OPCML: variants seen among roughly 807,000 people sequenced by gnomAD.
OPCML encodes the protein opioid-binding protein/cell adhesion molecule.
Under a neutral mutation model 37.8 loss-of-function variants are expected in OPCML, and 13 were observed. The observed-to-expected ratio is 0.34, with a 90% CI of 0.22 to 0.55. The LOEUF is 0.55. OPCML is among the 20% of genes least tolerant of loss of function. OPCML has a pLI of 0.91. For missense variants in OPCML, 341 were observed against 435.6 expected, an observed-to-expected ratio of 0.78 and a Z score of 1.93; for synonymous variants, 176 against 168.8, an observed-to-expected ratio of 1.04 and a Z score of -0.33.
At chr11:133,127,354 G>A (rs571782574) in intron 1 of OPCML, among the ~76,000 whole-genome samples, 15 of 152,170 alleles carry the variant, frequency 9.9e-5, no homozygotes, top group African/African-American at 3.1e-4. Context: ...TATCTTGGCC[G>A]GGCATGGAAG....
chr11:132,514,264 T>G (rs1006267732), intron 4 of OPCML, among the ~76,000 whole-genome samples: 2 of 152,158 alleles, frequency 1.3e-5, no homozygotes, highest in Admixed American at 1.3e-4. Flanking sequence ...TATTGACTTA[T>G]AGTCAAAGCA....
chr11:133,310,961 T>A (rs1943054618), intron 1 of OPCML, among the ~76,000 whole-genome samples: 1 of 152,202 alleles, frequency 6.6e-6, no homozygotes, highest in Admixed American at 6.5e-5. Context: ...CCCATAACAT[T>A]GCACTATTTG....
chr11:132,850,227 A>C (rs978647667), intron 2 of OPCML, among the ~76,000 whole-genome samples: 4 of 152,186 alleles, frequency 2.6e-5, no homozygotes, highest in African/African-American at 9.7e-5. Context: ...ATGGAAGGAA[A>C]GCGAGCCCTA....
intron 3 of OPCML, among the ~76,000 whole-genome samples, chr11:132,613,421 C>T (rs1033223967): frequency 2.6e-5 from 4 of 152,192 alleles, no homozygotes; most frequent in African/African-American, 4.8e-5. Flanking sequence ...ACTGCATAAA[C>T]TCAAAACATG....
In OPCML at chr11:133,174,033, C is replaced by T. The variant is rs542656218; in HGVS notation, c.62-231023G>A. ...GGATGAGCATGGAGAAACGGCCTGG[C>T]AGGCCCTGCACTGCGGCCATAAATC... On this transcript the variant is annotated intron_variant, in intron 1 of 7. Coordinates refer to ENST00000524381, the MANE Select transcript of OPCML (RefSeq NM_001012393.5). This position sits in a 1 kb window ranked among gnomAD's most constrained non-coding sequence, Gnocchi z 4.6. Among the ~76,000 whole-genome samples the T allele has an allele frequency of 3.3e-4, 51 of 152,338 alleles. No homozygotes were observed. Among genetic ancestry groups the T allele is most frequent in the South Asian group, 1.0e-3 (5 of 4,826 alleles).
At chr11:132,927,125 A>C (rs921884392) in intron 2 of OPCML, among the ~76,000 whole-genome samples, 1 of 152,154 alleles carries the variant, frequency 6.6e-6, no homozygotes, top group African/African-American at 2.4e-5. Flanking sequence ...AAAGGAAAAG[A>C]GTTTATTTGA....
At chr11:133,258,536 G>A (rs1482518925) in intron 1 of OPCML, among the ~76,000 whole-genome samples, 1 of 152,194 alleles carries the variant, frequency 6.6e-6, no homozygotes, top group African/African-American at 2.4e-5. Context: ...CAGAGGTTAT[G>A]ATGATTGAGC....
intron 1 of OPCML, among the ~76,000 whole-genome samples, chr11:132,995,022 C>G (rs1264222980): frequency 6.6e-6 from 1 of 152,160 alleles, no homozygotes; most frequent in Non-Finnish European, 1.5e-5. Flanking sequence ...ACTATGAAAC[C>G]CAAGCCCCTA....
At chr11:133,049,632 A>G (rs1948093210) in intron 1 of OPCML, among the ~76,000 whole-genome samples, 1 of 152,240 alleles carries the variant, frequency 6.6e-6, no homozygotes. Context: ...GTGAAGTGCT[A>G]ATATCAATGA....
At chr11:133,244,139 G>T (rs949540080) in intron 1 of OPCML, among the ~76,000 whole-genome samples, 6 of 152,200 alleles carry the variant, frequency 3.9e-5, no homozygotes, top group African/African-American at 7.2e-5. Flanking sequence ...GCCCATTAGA[G>T]CATGGGGGTG....
intron 1 of OPCML, among the ~76,000 whole-genome samples, chr11:133,402,617 G>A (rs1158402439): frequency 1.3e-5 from 2 of 152,108 alleles, no homozygotes; most frequent in Non-Finnish European, 2.9e-5. Flanking sequence ...TACCTTTCCT[G>A]GAGTTATAAA....
chr11:132,473,475 A>G (rs986720005), intron 4 of OPCML, among the ~76,000 whole-genome samples: 8 of 152,328 alleles, frequency 5.3e-5, no homozygotes, highest in Non-Finnish European at 1.0e-4. Flanking sequence ...AGGGCATGAA[A>G]TAATGAAACT....
chr11:133,520,286 A>G (rs1255031572), intron 1 of OPCML, among the ~76,000 whole-genome samples: 1 of 152,030 alleles, frequency 6.6e-6, no homozygotes, highest in Non-Finnish European at 1.5e-5. Context: ...ACTACAGGCC[A>G]CCTCACTATC....
chr11:132,968,347 A>G (rs1276582501), intron 1 of OPCML, among the ~76,000 whole-genome samples: 1 of 152,212 alleles, frequency 6.6e-6, no homozygotes, highest in Non-Finnish European at 1.5e-5. Flanking sequence ...GTTAAGAGCT[A>G]CACTTAGTGA....
chr11:132,943,112 C>T lies in OPCML; in HGVS notation c.62-102G>A, dbSNP rs1320649963. On this transcript the variant is annotated intron_variant, in intron 1 of 7. Coordinates refer to ENST00000524381, the MANE Select transcript of OPCML (RefSeq NM_001012393.5). This position sits in a 1 kb window ranked among gnomAD's most constrained non-coding sequence, Gnocchi z 4.3. ...CCCCATTCTCGACAGCCACAACTTCCCAGGACTCCGGCAGCCGCACAGTCC... is the reference window on the plus strand; with the variant it reads ...CCCCATTCTCGACAGCCACAACTTCTCAGGACTCCGGCAGCCGCACAGTCC... 3.7e-6 allele frequency: 6 copies of T among 1,614,054 alleles called. No individual in the cohort carries two copies. The highest frequency in any genetic ancestry group is 5.1e-6 in the Non-Finnish European group (6 of 1,179,936).
At chr11:132,632,368 C>A (rs978078855) in intron 3 of OPCML, among the ~76,000 whole-genome samples, 1 of 149,654 alleles carries the variant, frequency 6.7e-6, no homozygotes, top group Non-Finnish European at 1.5e-5. Flanking sequence ...TGCATTCGTT[C>A]CTTAACTCAT....
At chr11:133,141,970 T>G (rs1470087788) in intron 1 of OPCML, among the ~76,000 whole-genome samples, 1 of 152,340 alleles carries the variant, frequency 6.6e-6, no homozygotes, top group Non-Finnish European at 1.5e-5. Context: ...CCAAGTTCCT[T>G]GGCTTTTAGG....
At chr11:133,402,567 G>C (rs1217083067) in intron 1 of OPCML, among the ~76,000 whole-genome samples, 1 of 152,090 alleles carries the variant, frequency 6.6e-6, no homozygotes, top group African/African-American at 2.4e-5. Context: ...GCATCTCTTT[G>C]AAAGGACCAA....
chr11:132,731,459 C>T (rs1411966333), intron 2 of OPCML, among the ~76,000 whole-genome samples: 1 of 152,128 alleles, frequency 6.6e-6, no homozygotes, highest in East Asian at 1.9e-4. Context: ...CAGTGTATTG[C>T]CTTACAGACT....
Sources: allele counts gnomAD v4.1 joint callset (sites outside exome capture counted in the v4.1 genomes callset), GRCh38; gene constraint gnomAD v4.1.1; non-coding constraint Gnocchi (gnomAD v3.1); transcripts MANE v1.5; gene names NCBI Gene and HGNC (gene_info 2026-07-23, HGNC 2026-07-21).